SUSD5: variants seen among roughly 807,000 people sequenced by gnomAD.
SUSD5 encodes the protein sushi domain containing 5.
Under a neutral mutation model 29.5 loss-of-function variants are expected in SUSD5, and 33 were observed. That is an observed-to-expected ratio of 1.12 (90% confidence interval 0.85 to 1.49). The LOEUF is 1.49. SUSD5 is among the 40% of genes most tolerant of loss of function. The probability of loss-of-function intolerance (pLI) is 0.00; values close to 1 mark genes in which losing one functional copy is unlikely to be tolerated. For synonymous variants in SUSD5, 308 were observed against 325.3 expected, an observed-to-expected ratio of 0.95 and a Z score of 0.57; for missense variants, 776 against 800.6, an observed-to-expected ratio of 0.97 and a Z score of 0.37.
In SUSD5 at chr3:33,152,141, T is replaced by G. The variant is rs1451271791; in HGVS notation, c.*601A>C. On this transcript the variant is annotated 3_prime_UTR_variant, in exon 5 of 5. Transcript: ENST00000309558. ...TTTTCTTTCTTCAAAAAGGTAATAC[T>G]GTGATGTGGCTCACACCTGGAATCC... 6.6e-6 allele frequency: 1 copy of G among 152,306 alleles called. No homozygotes were observed. Among genetic ancestry groups the G allele is most frequent in the Non-Finnish European group, 1.5e-5 (1 of 68,172 alleles). The allele number at this position is 152,306 out of a possible 1,614,324, so 9.4% of individuals were successfully genotyped here. A position where few individuals can be genotyped will look rare whatever the true frequency, so the allele number is the denominator to read the frequency against.
intron 3 of SUSD5, among the ~76,000 whole-genome samples, chr3:33,205,282 G>A (rs989433731): frequency 2.0e-5 from 3 of 152,108 alleles, no homozygotes; most frequent in Non-Finnish European, 2.9e-5. Context: ...CCAGGATCAC[G>A]AATTGTATTT....
At chr3:33,214,295 T>C (rs1188835331) in intron 1 of SUSD5, among the ~76,000 whole-genome samples, 190 bp from the exon 2 acceptor site, 2 of 152,056 alleles carry the variant, frequency 1.3e-5, no homozygotes, top group South Asian at 2.1e-4. Context: ...CTTTTTTTTT[T>C]CTCTTATCTT....
At chr3:33,174,118 A>C (rs2031493068) in intron 4 of SUSD5, among the ~76,000 whole-genome samples, 5 of 152,224 alleles carry the variant, frequency 3.3e-5, no homozygotes, top group Admixed American at 3.3e-4. Context: ...CTAACTATTC[A>C]GACTCCACAG....
At chr3:33,154,782 A>G (rs1296187890) in intron 4 of SUSD5, among the ~76,000 whole-genome samples, 1 of 152,258 alleles carries the variant, frequency 6.6e-6, no homozygotes. Flanking sequence ...AAGAAGACTT[A>G]AATGAATGGA....
In SUSD5 at chr3:33,203,867, T is replaced by C. The variant is rs201609780; in HGVS notation, c.409+3941A>G. Among the ~76,000 whole-genome samples the C allele has an allele frequency of 3.4e-5, 4 of 117,126 alleles. No homozygotes were observed. The South Asian group carries it at 1.4e-3, about 42-fold the overall frequency. The allele number at this position is 117,126 out of a possible 152,430, so 76.8% of individuals were successfully genotyped here. Reference sequence around the variant, plus strand: ...TTAGGTTTATTTCTGTCTGCTGCTGTTGTTGTTTTTGCTGTTTTTGGAGAA... The same window carrying C: ...TTAGGTTTATTTCTGTCTGCTGCTGCTGTTGTTTTTGCTGTTTTTGGAGAA... On this transcript the variant is annotated intron_variant, in intron 3 of 4. Transcript: ENST00000309558.
rs1194891096 is a variant in SUSD5, at chr3:33,218,803, G to A, written c.-6C>T. The A allele has an allele frequency of 7.6e-6, 11 of 1,442,048 alleles. No homozygotes were observed. Among genetic ancestry groups the A allele is most frequent in the Non-Finnish European group, 7.3e-6 (8 of 1,103,290 alleles). 89.3% of individuals were successfully genotyped at this position (1,442,048 alleles called of 1,614,324 possible). ...CTGGGTCCCTCGGCAGTCATGGTCC[G>A]GGAGTGCGCGGGCCAGCGGACTCGG... On this transcript the variant is annotated 5_prime_UTR_variant, in exon 1 of 5. Transcript: ENST00000309558.
intron 3 of SUSD5, among the ~76,000 whole-genome samples, chr3:33,187,777 A>G (rs527699580): frequency 6.6e-6 from 1 of 150,504 alleles, no homozygotes; most frequent in East Asian, 2.0e-4. Flanking sequence ...AACGTTAGGT[A>G]TATCTCCTAA....
rs370887240 is a variant in SUSD5, at chr3:33,159,109, G to A, written c.599-5076C>T. On this transcript the variant is annotated intron_variant, in intron 4 of 4. Transcript: ENST00000309558. ...TTGTGCTGAACTCAGTCAGCATGAT[G>A]AAAGGGAACAACATTTGCACAGAGC... is the stretch of plus-strand genomic sequence containing the variant. Among the ~76,000 whole-genome samples the A allele has an allele frequency of 2.0e-3, 306 of 152,330 alleles. 4 individuals carry two copies. Among genetic ancestry groups the A allele is most frequent in the African/African-American group, 7.0e-3 (290 of 41,568 alleles).
intron 4 of SUSD5, among the ~76,000 whole-genome samples, chr3:33,159,648 G>A (rs940136831): frequency 6.6e-6 from 1 of 151,808 alleles, no homozygotes; most frequent in Non-Finnish European, 1.5e-5. Context: ...AAACTGTATC[G>A]TATATTTTTC....
At position 33,152,438 on chromosome 3, in the gene SUSD5, CTG is replaced by C; in HGVS notation, c.*302_*303del. 3.2e-6 allele frequency: 1 copy of C among 316,852 alleles called. No individual in the cohort carries two copies. The highest frequency in any genetic ancestry group is 5.8e-6 in the Non-Finnish European group (1 of 172,976). 19.6% of individuals were successfully genotyped at this position (316,852 alleles called of 1,614,324 possible). ...CTGTCTCAAAAAAAAAAAGATAATACTGTGATGAAGGAAGAGGCGATTTTTGA... is the reference window on the plus strand; with the variant it reads ...CTGTCTCAAAAAAAAAAAGATAATACTGATGAAGGAAGAGGCGATTTTTGA... On this transcript the variant is annotated 3_prime_UTR_variant, in exon 5 of 5. Coordinates refer to ENST00000309558, the MANE Select transcript of SUSD5 (RefSeq NM_015551.2).
chr3:33,191,723 T>C (rs1228815107), intron 3 of SUSD5, among the ~76,000 whole-genome samples: 6 of 152,108 alleles, frequency 3.9e-5, no homozygotes, highest in South Asian at 2.1e-4. Context: ...GGCAGCAGGA[T>C]TGCTTCAGGC....
Position 33,152,595 on chromosome 3 carries a change from G to T in SUSD5, c.*147C>A. The T allele has an allele frequency of 1.1e-6, 1 of 874,132 alleles. No homozygotes were observed. The highest frequency in any genetic ancestry group is 1.7e-6 in the Non-Finnish European group (1 of 579,664). 54.1% of individuals were successfully genotyped at this position (874,132 alleles called of 1,614,324 possible). On this transcript the variant is annotated 3_prime_UTR_variant, in exon 5 of 5. Transcript: ENST00000309558. The stretch of plus-strand genomic sequence containing the variant: ...CCTCCCTGCCCTCCCAGGTGCTCCA[G>T]AGACACTTCTCAGCCTATAAAACAA...
At chr3:33,205,506 T>C (rs759738957) in intron 3 of SUSD5, among the ~76,000 whole-genome samples, 1 of 152,366 alleles carries the variant, frequency 6.6e-6, no homozygotes, top group South Asian at 2.1e-4. Flanking sequence ...ATCATACATA[T>C]TGAGTTGCCC....
intron 3 of SUSD5, among the ~76,000 whole-genome samples, chr3:33,179,106 T>C (rs1403201140): frequency 6.6e-6 from 1 of 152,210 alleles, no homozygotes; most frequent in Admixed American, 6.5e-5. Flanking sequence ...ATTCAATTTA[T>C]TTATTTATTT....
In SUSD5 at chr3:33,204,384, G is replaced by A. The variant is rs139056487; in HGVS notation, c.409+3424C>T. 0.019 allele frequency among the ~76,000 whole-genome samples: 2,832 copies of A among 151,850 alleles called. 42 individuals carry two copies. Among genetic ancestry groups the A allele is most frequent in the Non-Finnish European group, 0.028 (1,879 of 67,944 alleles). The stretch of plus-strand genomic sequence containing the variant: ...CACCCAGGGTGGAGTGCAGTGGTGC[G>A]ATCTCGGCTCACTGCAAGCTCCGCC... On this transcript the variant is annotated intron_variant, in intron 3 of 4. Transcript: ENST00000309558. This position sits in a 1 kb window ranked among gnomAD's most constrained non-coding sequence, Gnocchi z 4.5.
At chr3:33,218,303 A>G (rs1378024388) in intron 1 of SUSD5, among the ~76,000 whole-genome samples, 4 of 152,194 alleles carry the variant, frequency 2.6e-5, no homozygotes, top group African/African-American at 7.2e-5. Flanking sequence ...CGGTGTCCTC[A>G]GGGGCACATT....
intron 3 of SUSD5, among the ~76,000 whole-genome samples, chr3:33,189,198 G>A (rs1042355441): frequency 3.9e-5 from 6 of 152,094 alleles, no homozygotes; most frequent in African/African-American, 7.2e-5. Context: ...TATTCTAGCC[G>A]GCTGGGCGTG....
intron 3 of SUSD5, among the ~76,000 whole-genome samples, chr3:33,201,153 T>C (rs2032110121): frequency 6.6e-6 from 1 of 152,182 alleles, no homozygotes; most frequent in Non-Finnish European, 1.5e-5. Context: ...TGCTGTGGAA[T>C]AGCATGTAGG....
At chr3:33,179,462 G>C (rs1259125633) in intron 3 of SUSD5, among the ~76,000 whole-genome samples, 1 of 152,118 alleles carries the variant, frequency 6.6e-6, no homozygotes, top group South Asian at 2.1e-4. Flanking sequence ...AACCCAGCAA[G>C]GTTTGTTTGT....
Sources: allele counts gnomAD v4.1 joint callset (sites outside exome capture counted in the v4.1 genomes callset), GRCh38; gene constraint gnomAD v4.1.1; non-coding constraint Gnocchi (gnomAD v3.1); transcripts MANE v1.5; gene names NCBI Gene and HGNC (gene_info 2026-07-23, HGNC 2026-07-21).